The following DAB1 variants were observed in gnomAD, a reference collection of about 807,000 sequenced individuals.
DAB1 encodes DAB adaptor protein 1.
DAB1 carries 15 observed loss-of-function variants against 64.6 expected under a neutral mutation model. The observed-to-expected ratio is 0.23, with a 90% CI of 0.16 to 0.36. The LOEUF is 0.36. DAB1 is among the 10% of genes least tolerant of loss of function. The pLI, the probability that DAB1 is intolerant of heterozygous loss-of-function variation, is 1.00. For synonymous variants in DAB1, 235 were observed against 251.9 expected (o/e 0.93, Z 0.64); for missense variants, 596 against 706.7 (o/e 0.84, Z 1.78).
At chr1:57,992,078 T>A (rs535348643) in intron 5 of DAB1, among the ~76,000 whole-genome samples, 1 of 152,226 alleles carries the variant, frequency 6.6e-6, no homozygotes, top group South Asian at 2.1e-4. Context: ...ATTCCTTTTT[T>A]ACCGACTATG....
chr1:57,930,883 A>G (rs1018290303), intron 5 of DAB1, among the ~76,000 whole-genome samples: 3 of 152,128 alleles, frequency 2.0e-5, no homozygotes, highest in Admixed American at 6.6e-5. Flanking sequence ...TAGGACTTCT[A>G]ATATGATGTT....
At position 57,801,561 on chromosome 1, in the gene DAB1, G is replaced by C. The variant is rs115133080; in HGVS notation, n.551+82438C>G. Among the ~76,000 whole-genome samples, 1,463 of 152,280 alleles carry C rather than the reference G, an allele frequency of 9.6e-3. 11 individuals are homozygous for C. The highest frequency in any genetic ancestry group is 0.017 in the Non-Finnish European group (1,160 of 68,038). On this transcript the variant is annotated intron_variant and non_coding_transcript_variant, in intron 6 of 20. Coordinates refer to the DAB1 transcript ENST00000485760. ...TTATATCTTCCCTTTACCTATTACA[G>C]CCATGTGCTAAGCAAGACAAAGGAA...
At chr1:58,336,102 G>A (rs1663110925) in intron 4 of DAB1, among the ~76,000 whole-genome samples, 1 of 152,170 alleles carries the variant, frequency 6.6e-6, no homozygotes, top group African/African-American at 2.4e-5. Flanking sequence ...TTGTCTTTGT[G>A]TTTTCCACTG....
At chr1:58,482,609 A>G (rs1445167422) in intron 3 of DAB1, among the ~76,000 whole-genome samples, 1 of 152,160 alleles carries the variant, frequency 6.6e-6, no homozygotes, top group Non-Finnish European at 1.5e-5. Context: ...TAAAGGAGAC[A>G]GTGTTTGAGG....
intron 7 of DAB1, among the ~76,000 whole-genome samples, chr1:57,436,507 G>A (rs150970360): frequency 1.6e-4 from 24 of 152,234 alleles, no homozygotes; most frequent in African/African-American, 5.1e-4. Context: ...TTCTATGATC[G>A]CTCACCCCAG....
intron 6 of DAB1, among the ~76,000 whole-genome samples, chr1:57,793,636 G>A (rs1650707271): frequency 1.3e-5 from 2 of 152,170 alleles, no homozygotes; most frequent in Non-Finnish European, 2.9e-5. Flanking sequence ...ACTTCAGAGT[G>A]AGACAGACCA....
chr1:57,047,296 T>TTGTTATC (rs780042864), intron 9 of DAB1, among the ~76,000 whole-genome samples: 5 of 152,204 alleles, frequency 3.3e-5, no homozygotes, highest in Admixed American at 6.5e-5. Context: ...TTACAATTGC[T>TTGTTATC]TGTTATCCCT....
intron 7 of DAB1, among the ~76,000 whole-genome samples, chr1:57,450,021 T>G (rs1006192154): frequency 1.3e-5 from 2 of 152,206 alleles, no homozygotes; most frequent in Non-Finnish European, 2.9e-5. Flanking sequence ...TTTTATATAT[T>G]AGGCTCATAG....
intron 7 of DAB1, among the ~76,000 whole-genome samples, chr1:57,582,596 A>T (rs989610026): frequency 2.0e-5 from 3 of 152,234 alleles, no homozygotes; most frequent in African/African-American, 7.2e-5. Context: ...AATCCATAGC[A>T]TGGGCAAATA....
chr1:57,952,592 ACTTACTT>A (rs1645302840), intron 5 of DAB1, among the ~76,000 whole-genome samples: 2 of 152,270 alleles, frequency 1.3e-5, no homozygotes, highest in South Asian at 4.2e-4. Flanking sequence ...CAGAGCACAG[ACTTACTT>A]CTAGATTCTT....
intron 4 of DAB1, among the ~76,000 whole-genome samples, chr1:57,098,735 A>G (rs1376864358): frequency 1.3e-5 from 2 of 152,196 alleles, no homozygotes; most frequent in Non-Finnish European, 2.9e-5. Flanking sequence ...CATTTCGATA[A>G]CCAAAATAAT....
chr1:57,186,124 C>T (rs991304696), intron 2 of DAB1, among the ~76,000 whole-genome samples: 5 of 152,104 alleles, frequency 3.3e-5, no homozygotes, highest in East Asian at 1.9e-4. Flanking sequence ...TGGTTTATTA[C>T]GTGTTCTATG....
chr1:58,165,384 T>C (rs956141834), intron 4 of DAB1, among the ~76,000 whole-genome samples: 2 of 152,260 alleles, frequency 1.3e-5, no homozygotes, highest in South Asian at 2.1e-4. Flanking sequence ...CTGTTTGCCA[T>C]ATAATTCCTG....
rs151064027 is a variant in DAB1, at chr1:57,808,228, C to T, written n.551+75771G>A. Among the ~76,000 whole-genome samples the T allele has an allele frequency of 8.5e-4, 129 of 151,266 alleles. 1 individual carries two copies. The highest frequency in any genetic ancestry group is 3.1e-3 in the African/African-American group (128 of 41,110). On this transcript the variant is annotated intron_variant and non_coding_transcript_variant, in intron 6 of 20. Transcript: ENST00000485760. ...ACACACACACACACACACACATACCCCTGAGCCTTTTCACATGCTGTTTTC... is the reference window on the plus strand; with the variant it reads ...ACACACACACACACACACACATACCTCTGAGCCTTTTCACATGCTGTTTTC...
In DAB1 at chr1:57,364,963, G is replaced by A. The variant is rs922999712; in HGVS notation, c.-137+58967C>T. ...AGGATGCTATGAAGGAAAGGCCTTA[G>A]GTAGCTTCTAGAGTCTCATGACATT... On this transcript the variant is annotated intron_variant, in intron 1 of 14. Coordinates refer to ENST00000371236, the MANE Select transcript of DAB1 (RefSeq NM_001365792.1). 1.0e-4 allele frequency among the ~76,000 whole-genome samples: 15 copies of A among 148,996 alleles called. No homozygotes were observed. The East Asian group carries it at 3.0e-3, about 29-fold the overall frequency.
At chr1:57,949,035 G>A (rs1645226088) in intron 5 of DAB1, among the ~76,000 whole-genome samples, 1 of 152,066 alleles carries the variant, frequency 6.6e-6, no homozygotes, top group Non-Finnish European at 1.5e-5. Context: ...CCAACTACAT[G>A]CTCCTCCTTT....
At chr1:57,442,357 G>A (rs1337626180) in intron 7 of DAB1, among the ~76,000 whole-genome samples, 1 of 152,192 alleles carries the variant, frequency 6.6e-6, no homozygotes, top group African/African-American at 2.4e-5. Context: ...TCAATCAGCT[G>A]TCTCTAGAAA....
intron 3 of DAB1, among the ~76,000 whole-genome samples, chr1:58,482,159 G>A (rs1464195042): frequency 6.6e-6 from 1 of 152,202 alleles, no homozygotes; most frequent in Non-Finnish European, 1.5e-5. Flanking sequence ...ATCATACTGA[G>A]AAGGGGAGAG....
In DAB1 at chr1:58,437,857, G is replaced by A. The variant is rs539118810; in HGVS notation, n.257+68203C>T. On this transcript the variant is annotated intron_variant and non_coding_transcript_variant, in intron 3 of 20. Coordinates refer to the DAB1 transcript ENST00000485760. ...CTGAGCAGGGTGAGCACATGACCAC[G>A]GCCCAGCCATTCACAGTAGCCCATC... Among the ~76,000 whole-genome samples, 6 of 152,258 alleles carry A rather than the reference G, an allele frequency of 3.9e-5. No individual in the cohort carries two copies. In the South Asian group the frequency reaches 8.3e-4, roughly 21 times the overall value.
Sources: allele counts gnomAD v4.1 joint callset (sites outside exome capture counted in the v4.1 genomes callset), GRCh38; gene constraint gnomAD v4.1.1; transcripts MANE v1.5; gene names NCBI Gene and HGNC (gene_info 2026-07-23, HGNC 2026-07-21).